The following COX7B2 variants were observed in gnomAD, a reference collection of about 807,000 sequenced individuals.
COX7B2 encodes the protein cytochrome c oxidase subunit 7B2, mitochondrial.
For synonymous variants in COX7B2, 37 were observed against 32.1 expected (o/e 1.15, Z -0.51); for missense variants, 109 against 95.9 (o/e 1.14, Z -0.57).
At chr4:46,899,200 C>T (rs557878915) in intron 1 of COX7B2, among the ~76,000 whole-genome samples, 116 of 152,210 alleles carry the variant, frequency 7.6e-4, no homozygotes, top group Non-Finnish European at 1.4e-3. Context: ...ACTACTATAG[C>T]TTTAAAATAT....
chr4:46,758,508 T>C (rs936021889), intron 2 of COX7B2, among the ~76,000 whole-genome samples: 9 of 152,242 alleles, frequency 5.9e-5, no homozygotes, highest in African/African-American at 2.2e-4. Flanking sequence ...AAAGTTCAGG[T>C]GACGAAGCTG....
intron 1 of COX7B2, among the ~76,000 whole-genome samples, chr4:46,894,245 T>TTACCCGACTTCAATACCCATTGAA (rs1719616242): frequency 6.6e-6 from 1 of 152,116 alleles, no homozygotes; most frequent in African/African-American, 2.4e-5. Context: ...AAAATATTCA[T>TTACCCGACTTCAATACCCATTGAA]GTTACCCGAC....
chr4:46,859,503 A>G (rs933202157), intron 1 of COX7B2, among the ~76,000 whole-genome samples: 1 of 152,156 alleles, frequency 6.6e-6, no homozygotes, highest in African/African-American at 2.4e-5. Context: ...TAACTGAAGG[A>G]CTTTTAATTA....
Position 46,797,606 on chromosome 4 carries a change from C to T in COX7B2, c.-50+47354G>A, listed in dbSNP as rs75147975. ...GGAAAATAGTAAACCAAAAGCGACA[C>T]CACTTTCCCGGAAGGGCTGCAGAGA... is the stretch of plus-strand genomic sequence containing the variant. On this transcript the variant is annotated intron_variant, in intron 2 of 2. Coordinates refer to ENST00000355591, the MANE Select transcript of COX7B2 (RefSeq NM_130902.3). Among the ~76,000 whole-genome samples the T allele has an allele frequency of 2.2e-4, 33 of 152,248 alleles. 1 individual carries two copies. In the East Asian group the frequency reaches 6.0e-3, roughly 28 times the overall value.
At chr4:46,753,104 C>A (rs1014040532) in intron 2 of COX7B2, among the ~76,000 whole-genome samples, 1 of 152,002 alleles carries the variant, frequency 6.6e-6, no homozygotes, top group African/African-American at 2.4e-5. Context: ...AGCCTGTTAT[C>A]GGTCTATTCA....
At chr4:46,735,262 T>C (rs1050981061) in intron 2 of COX7B2, 21 bp from the exon 3 acceptor site, 6 of 1,526,986 alleles carry the variant, frequency 3.9e-6, no homozygotes, top group Admixed American at 1.9e-5. Context: ...AGAAAAGATA[T>C]GCATTGATGT....
intron 2 of COX7B2, among the ~76,000 whole-genome samples, chr4:46,842,656 G>T (rs1187518491): frequency 4.6e-5 from 7 of 151,788 alleles, no homozygotes; most frequent in African/African-American, 1.7e-4. Flanking sequence ...GCGGTGTTTG[G>T]TTTTTTGTCC....
intron 1 of COX7B2, among the ~76,000 whole-genome samples, chr4:46,880,412 CTTTTTT>C (rs548281459): frequency 3.5e-5 from 3 of 85,604 alleles, no homozygotes; most frequent in East Asian, 3.6e-4. Context: ...AGGTCCTGGG[CTTTTTT>C]TTTTTTTTTT....
intron 1 of COX7B2, among the ~76,000 whole-genome samples, chr4:46,897,568 T>C (rs552223703): frequency 2.0e-5 from 3 of 152,190 alleles, no homozygotes; most frequent in African/African-American, 4.8e-5. Flanking sequence ...TAGTCTGTTA[T>C]TGTTCTCTCT....
chr4:46,767,163 C>G (rs1309557404), intron 2 of COX7B2, among the ~76,000 whole-genome samples: 2 of 152,100 alleles, frequency 1.3e-5, no homozygotes, highest in Non-Finnish European at 2.9e-5. Context: ...TGGAGAGATG[C>G]AAAAAGATAT....
intron 2 of COX7B2, among the ~76,000 whole-genome samples, chr4:46,758,134 T>C (rs1715908657): frequency 6.6e-6 from 1 of 152,194 alleles, no homozygotes; most frequent in South Asian, 2.1e-4. Context: ...CAATACTTTA[T>C]GGTAATTTCA....
rs536431948 is a variant in COX7B2 at position 46,876,109 on chromosome 4, C to T, written c.-104-31095G>A. Reference sequence around the variant, plus strand: ...CTTTGTCAGTGCTGGAAACACACTACATCTTATGGATGCAAAGTAAACTCA... The same window carrying T: ...CTTTGTCAGTGCTGGAAACACACTATATCTTATGGATGCAAAGTAAACTCA... On this transcript the variant is annotated intron_variant, in intron 1 of 2. Transcript: ENST00000355591. Among the ~76,000 whole-genome samples the T allele has an allele frequency of 1.6e-3, 240 of 152,210 alleles. 3 individuals carry two copies. Among genetic ancestry groups the T allele is most frequent in the African/African-American group, 5.5e-3 (230 of 41,532 alleles).
At chr4:46,847,693 G>T (rs977590301) in intron 1 of COX7B2, among the ~76,000 whole-genome samples, 1 of 152,004 alleles carries the variant, frequency 6.6e-6, no homozygotes, top group Non-Finnish European at 1.5e-5. Context: ...CTAAGAAAGC[G>T]CCAATAAAAA....
intron 2 of COX7B2, among the ~76,000 whole-genome samples, chr4:46,782,277 G>A (rs530506151): frequency 6.6e-6 from 1 of 152,052 alleles, no homozygotes; most frequent in East Asian, 1.9e-4. Context: ...TTTATGTCTA[G>A]CCAGAGGATT....
At chr4:46,842,814 A>G (rs548220295) in intron 2 of COX7B2, among the ~76,000 whole-genome samples, 216 of 152,068 alleles carry the variant, frequency 1.4e-3, no homozygotes, top group Non-Finnish European at 2.3e-3. Flanking sequence ...TTGGACATTT[A>G]GGTTGGTTCG....
chr4:46,757,229 G>A (rs1281048280), intron 2 of COX7B2, among the ~76,000 whole-genome samples: 2 of 139,248 alleles, frequency 1.4e-5, no homozygotes, highest in Non-Finnish European at 3.1e-5. Flanking sequence ...AATATTATAT[G>A]TTCTCACTTA....
rs1398266044 is a variant in COX7B2, at chr4:46,871,604, C to T, written c.-104-26590G>A. Among the ~76,000 whole-genome samples the T allele has an allele frequency of 6.6e-5, 10 of 151,226 alleles. No homozygotes were observed. The South Asian group carries it at 1.9e-3, about 28-fold the overall frequency. ...CTATGCATCTGACAAAGGTCTAATACCCAGCATCTATAAGGAGTTTAAACA... is the reference window on the plus strand; with the variant it reads ...CTATGCATCTGACAAAGGTCTAATATCCAGCATCTATAAGGAGTTTAAACA... On this transcript the variant is annotated intron_variant, in intron 1 of 2. Coordinates refer to ENST00000355591, the MANE Select transcript of COX7B2 (RefSeq NM_130902.3).
At chr4:46,832,155 C>G (rs971741374) in intron 2 of COX7B2, among the ~76,000 whole-genome samples, 2 of 152,108 alleles carry the variant, frequency 1.3e-5, no homozygotes, top group Admixed American at 1.3e-4. Context: ...TGTTCTTTCG[C>G]TCTTTGCTAT....
intron 1 of COX7B2, among the ~76,000 whole-genome samples, chr4:46,849,723 C>T (rs1005277911): frequency 1.3e-5 from 2 of 151,832 alleles, no homozygotes; most frequent in Non-Finnish European, 2.9e-5. Flanking sequence ...TTTTAGGGTA[C>T]ATGTGCACAA....
Sources: allele counts gnomAD v4.1 joint callset (sites outside exome capture counted in the v4.1 genomes callset), GRCh38; gene constraint gnomAD v4.1.1; transcripts MANE v1.5; gene names NCBI Gene and HGNC (gene_info 2026-07-23, HGNC 2026-07-21).